PKIB: variants seen among roughly 807,000 people sequenced by gnomAD.
PKIB encodes PKI-beta.
PKIB carries 2 observed loss-of-function variants against 4.5 expected under a neutral mutation model. The ratio of observed to expected loss-of-function variants is 0.44; its 90% CI spans 0.18 to 1.39. PKIB has a LOEUF of 1.39. Ranked by LOEUF, PKIB falls within the 40% of genes most tolerant of loss-of-function variation. PKIB has a pLI of 0.27. For synonymous variants in PKIB, 38 were observed against 36.0 expected (o/e 1.06, Z -0.20); for missense variants, 94 against 92.6 (o/e 1.02, Z -0.06).
intron 2 of PKIB, among the ~76,000 whole-genome samples, chr6:122,573,679 TATCTC>T (rs1410671401): frequency 6.6e-6 from 1 of 151,720 alleles, no homozygotes; most frequent in African/African-American, 2.4e-5. Flanking sequence ...CAAAAATAAT[TATCTC>T]AATAGATGCA....
chr6:122,560,755 C>T (rs1474023836), intron 2 of PKIB, among the ~76,000 whole-genome samples: 21 of 151,886 alleles, frequency 1.4e-4, no homozygotes, highest in Admixed American at 1.4e-3. Context: ...CTAATTCGTC[C>T]TGATTTAAGT....
At chr6:122,511,617 A>G (rs1046998411) in intron 2 of PKIB, among the ~76,000 whole-genome samples, 4 of 152,150 alleles carry the variant, frequency 2.6e-5, no homozygotes, top group African/African-American at 9.7e-5. Context: ...ACGGGTCAAG[A>G]GTTCTTTAAA....
chr6:122,649,703 T>C (rs977670442), intron 2 of PKIB, among the ~76,000 whole-genome samples: 1 of 152,156 alleles, frequency 6.6e-6, no homozygotes, highest in African/African-American at 2.4e-5. Context: ...AGCTTAGATT[T>C]CATAGTAACT....
intron 3 of PKIB, among the ~76,000 whole-genome samples, chr6:122,677,625 T>C (rs926664320): frequency 2.0e-5 from 3 of 152,174 alleles, no homozygotes; most frequent in Non-Finnish European, 2.9e-5. Context: ...ATTTCAGATT[T>C]CCTGAACCAG....
chr6:122,614,528 T>C (rs1199763233), intron 1 of PKIB, among the ~76,000 whole-genome samples: 1 of 151,924 alleles, frequency 6.6e-6, no homozygotes, highest in Non-Finnish European at 1.5e-5. Flanking sequence ...AGCATCCCCA[T>C]GGGGGTGTGG....
chr6:122,521,097 G>T (rs1776929789), intron 2 of PKIB, among the ~76,000 whole-genome samples: 1 of 152,160 alleles, frequency 6.6e-6, no homozygotes, highest in African/African-American at 2.4e-5. Flanking sequence ...ACCAATGCTG[G>T]CTTCAGGTGT....
chr6:122,661,265 A>G (rs1776976203), intron 2 of PKIB, among the ~76,000 whole-genome samples: 1 of 152,148 alleles, frequency 6.6e-6, no homozygotes, highest in African/African-American at 2.4e-5. Flanking sequence ...TAGTATATTC[A>G]CGCACTGTCA....
chr6:122,671,069 G>A lies in PKIB; in HGVS notation c.-75-4009G>A, dbSNP rs553891584. Among the ~76,000 whole-genome samples, 8 of 152,144 alleles carry A rather than the reference G, an allele frequency of 5.3e-5. No homozygotes were observed. In the South Asian group the frequency reaches 6.2e-4, roughly 12 times the overall value. On this transcript the variant is annotated intron_variant, in intron 2 of 4. Transcript: ENST00000368452. The stretch of plus-strand genomic sequence containing the variant: ...AGCACTTTGGGAGGCCGAGGTGGGC[G>A]GATCACGAGGTCAGGAGATAGAGAC...
intron 1 of PKIB, among the ~76,000 whole-genome samples, chr6:122,622,267 C>G (rs1775266787): frequency 6.6e-6 from 1 of 151,216 alleles, no homozygotes; most frequent in Non-Finnish European, 1.5e-5. Context: ...ATTATGGAAA[C>G]TTTCAAAGTC....
chr6:122,513,946 CTG>C (rs1054308753), intron 2 of PKIB, among the ~76,000 whole-genome samples: 14 of 152,120 alleles, frequency 9.2e-5, no homozygotes, highest in African/African-American at 2.9e-4. Context: ...CAATAAGAAA[CTG>C]TGAATCTCTT....
intron 2 of PKIB, among the ~76,000 whole-genome samples, chr6:122,511,643 C>A (rs568279415): frequency 5.9e-5 from 9 of 152,252 alleles, no homozygotes; most frequent in African/African-American, 2.2e-4. Flanking sequence ...AGCCAGGGGG[C>A]CACTTGTAAA....
At chr6:122,565,786 G>T (rs1202325779) in intron 2 of PKIB, among the ~76,000 whole-genome samples, 3 of 152,132 alleles carry the variant, frequency 2.0e-5, no homozygotes, top group Admixed American at 1.3e-4. Flanking sequence ...GAAAGTGACA[G>T]CAACCCAATT....
At chr6:122,552,028 C>T (rs184973421) in intron 2 of PKIB, among the ~76,000 whole-genome samples, 2 of 152,120 alleles carry the variant, frequency 1.3e-5, no homozygotes, top group Admixed American at 1.3e-4. Flanking sequence ...TGGTTCTCTG[C>T]TCTCTCCACT....
At chr6:122,700,205 G>A (rs1582824727) in intron 3 of PKIB, among the ~76,000 whole-genome samples, 2 of 65,814 alleles carry the variant, frequency 3.0e-5, no homozygotes, top group African/African-American at 1.8e-4. Context: ...GTTCCTCCCC[G>A]TATCCAGGAT....
chr6:122,704,678 T>C (rs1778981520), intron 3 of PKIB, among the ~76,000 whole-genome samples: 1 of 152,110 alleles, frequency 6.6e-6, no homozygotes, highest in South Asian at 2.1e-4. Context: ...GGTATTTAGA[T>C]ATGCAGTGTC....
chr6:122,496,181 T>C (rs1776072317), intron 2 of PKIB, among the ~76,000 whole-genome samples: 1 of 152,188 alleles, frequency 6.6e-6, no homozygotes, highest in Non-Finnish European at 1.5e-5. Flanking sequence ...TGCTGTCTAC[T>C]GGCCTGTAGG....
chr6:122,473,565 A>G (rs1775368996), intron 1 of PKIB, among the ~76,000 whole-genome samples: 1 of 152,230 alleles, frequency 6.6e-6, no homozygotes, highest in African/African-American at 2.4e-5. Context: ...GTTATTATAT[A>G]TACAACATTA....
chr6:122,580,934 T>C (rs1008547016), intron 2 of PKIB, among the ~76,000 whole-genome samples: 12 of 152,282 alleles, frequency 7.9e-5, no homozygotes, highest in Middle Eastern at 3.4e-3. Flanking sequence ...GAAACAGTCA[T>C]TATCATCAAT....
At chr6:122,683,597 C>G (rs754907664) in intron 3 of PKIB, among the ~76,000 whole-genome samples, 4 of 152,128 alleles carry the variant, frequency 2.6e-5, no homozygotes, top group Non-Finnish European at 4.4e-5. Context: ...CAATAAGGAA[C>G]TTTTATCATT....
Sources: gnomAD v4.1 joint callset for allele counts (sites outside exome capture counted in the v4.1 genomes callset) on GRCh38, gnomAD v4.1.1 for gene constraint, MANE v1.5 for transcripts, NCBI Gene and HGNC (gene_info 2026-07-23, HGNC 2026-07-21) for gene names.